Variants in LRRIQ1 observed in about 807,000 individuals in gnomAD.
LRRIQ1 encodes the protein leucine rich repeats and IQ motif containing 1, also known as leucine-rich repeat- and IQ domain-containing protein 1.
LRRIQ1 carries 210 observed loss-of-function variants against 211.9 expected under a neutral mutation model. That is an observed-to-expected ratio of 0.99 (90% CI 0.89 to 1.11). LRRIQ1 has a LOEUF of 1.11. Ranked by LOEUF, LRRIQ1 falls within the 50% of genes most tolerant of loss-of-function variation. The probability of loss-of-function intolerance (pLI) is 0.00; values close to 1 mark genes in which losing one functional copy is unlikely to be tolerated. For synonymous variants in LRRIQ1, 699 were observed against 650.1 expected (o/e 1.08, Z -1.14); for missense variants, 2,136 against 1,939.5 (o/e 1.10, Z -1.90).
At chr12:85,126,312 A>C (rs987692653) in intron 17 of LRRIQ1, among the ~76,000 whole-genome samples, 2 of 152,150 alleles carry the variant, frequency 1.3e-5, no homozygotes, top group East Asian at 3.9e-4. Context: ...ACAGTTCGTG[A>C]AACTTGCATG....
rs1881117434 is a variant in LRRIQ1 at position 85,056,643 on chromosome 12, C to T, written c.1850C>T (p.Thr617Ile). The change falls in exon 8 of 27, where the codon ACA becomes ATA. Residue 617 changes from threonine to isoleucine, a missense_variant. By Grantham distance (89) the Thr-to-Ile change is moderately conservative. Transcript: ENST00000393217. ...ISVKQRSLSL[T>I]SENSKDVREN... is the part of the protein sequence containing the mutation. ...GTGAAACAAAGATCACTCTCACTAA[C>T]ATCAGAAAATTCCAAAGATGTAAGA... 1.3e-6 allele frequency: 2 copies of T among 1,597,830 alleles called. No homozygotes were observed. The highest frequency in any genetic ancestry group is 1.7e-6 in the Non-Finnish European group (2 of 1,173,410).
intron 24 of LRRIQ1, among the ~76,000 whole-genome samples, chr12:85,223,559 CTT>C (rs1400342881): frequency 1.3e-5 from 2 of 152,052 alleles, no homozygotes; most frequent in Non-Finnish European, 1.5e-5. Flanking sequence ...CTGAAATCCT[CTT>C]ATATCTCATG....
At chr12:85,243,313 T>A (rs907688637) in intron 26 of LRRIQ1, among the ~76,000 whole-genome samples, 7 of 140,732 alleles carry the variant, frequency 5.0e-5, no homozygotes, top group African/African-American at 1.5e-4. Flanking sequence ...ATGTATAACT[T>A]TTATTATTAT....
chr12:85,113,948 A>T (rs940465684), intron 15 of LRRIQ1, among the ~76,000 whole-genome samples: 5 of 87,104 alleles, frequency 5.7e-5, no homozygotes, highest in African/African-American at 3.5e-4. Context: ...TGTGTGTGTG[A>T]AAGGCCACCT....
chr12:85,080,057 T>A (rs1884106644), intron 11 of LRRIQ1, among the ~76,000 whole-genome samples: 1 of 152,082 alleles, frequency 6.6e-6, no homozygotes, highest in Admixed American at 6.6e-5. Flanking sequence ...AGTATGTTTT[T>A]AATACACACG....
At chr12:85,132,286 GA>G (rs1388898855) in intron 18 of LRRIQ1, among the ~76,000 whole-genome samples, 1 of 151,968 alleles carries the variant, frequency 6.6e-6, no homozygotes, top group East Asian at 1.9e-4. Flanking sequence ...ATGACCTCAG[GA>G]AAAAAGATAA....
intron 24 of LRRIQ1, among the ~76,000 whole-genome samples, chr12:85,217,714 A>G (rs1039912073): frequency 1.1e-4 from 15 of 134,516 alleles, no homozygotes; most frequent in Admixed American, 7.8e-4. Flanking sequence ...ATGTGTGTGT[A>G]TATATGTATA....
intron 24 of LRRIQ1, among the ~76,000 whole-genome samples, chr12:85,217,464 A>T (rs1894142160): frequency 8.7e-6 from 1 of 114,986 alleles, no homozygotes; most frequent in Non-Finnish European, 1.7e-5. Flanking sequence ...CAGGGACCTG[A>T]AGTATATATA....
intron 19 of LRRIQ1, among the ~76,000 whole-genome samples, chr12:85,140,006 A>G (rs2136568629): frequency 7.1e-6 from 1 of 141,418 alleles, no homozygotes; most frequent in African/African-American, 2.4e-5. Context: ...AGGAAAAAAA[A>G]CTGTGTTTCT....
At chr12:85,207,810 T>C (rs943431593) in intron 24 of LRRIQ1, among the ~76,000 whole-genome samples, 3 of 152,182 alleles carry the variant, frequency 2.0e-5, no homozygotes, top group Admixed American at 1.3e-4. Context: ...TGTATTGCCT[T>C]TTCTCTTTTG....
chr12:85,087,356 G>A (rs1259685059), intron 11 of LRRIQ1, among the ~76,000 whole-genome samples: 2 of 152,110 alleles, frequency 1.3e-5, no homozygotes, highest in African/African-American at 4.8e-5. Flanking sequence ...ATAGACATTT[G>A]GGTTGGTTCC....
chr12:85,107,132 A>T (rs1355142637), intron 15 of LRRIQ1, among the ~76,000 whole-genome samples: 3 of 152,150 alleles, frequency 2.0e-5, no homozygotes, highest in Non-Finnish European at 4.4e-5. Context: ...AATTTTTAAT[A>T]CATTTTTGTA....
rs533369574 is a variant in LRRIQ1 at position 85,134,788 on chromosome 12, G to A, written c.4210-3062G>A. On this transcript the variant is annotated intron_variant, in intron 18 of 26. Transcript: ENST00000393217. ...AGTTACAAAACATTTCAAAAGTACAGAGAAGATCCAAGACCCCATATACCT... is the reference window on the plus strand; with the variant it reads ...AGTTACAAAACATTTCAAAAGTACAAAGAAGATCCAAGACCCCATATACCT... Among the ~76,000 whole-genome samples the A allele has an allele frequency of 3.3e-5, 5 of 152,140 alleles. No homozygotes were observed. In the South Asian group the frequency reaches 1.0e-3, roughly 32 times the overall value.
chr12:85,170,062 A>G (rs987620753), intron 24 of LRRIQ1, among the ~76,000 whole-genome samples: 3 of 152,092 alleles, frequency 2.0e-5, no homozygotes, highest in Admixed American at 1.3e-4. Context: ...TGAAGCATAA[A>G]ACAAACTATA....
chr12:85,185,439 GCC>G, intron 24 of LRRIQ1, among the ~76,000 whole-genome samples: 1 of 151,818 alleles, frequency 6.6e-6, no homozygotes, highest in South Asian at 2.1e-4. Flanking sequence ...CAAAAAGAGA[GCC>G]CCTTAAAATC....
At chr12:85,144,531 A>G (rs1294091960) in intron 19 of LRRIQ1, among the ~76,000 whole-genome samples, 1 of 151,682 alleles carries the variant, frequency 6.6e-6, no homozygotes, top group Non-Finnish European at 1.5e-5. Flanking sequence ...AGTTTCATAT[A>G]AACAAAACAG....
At chr12:85,267,805 G>C (rs902207171), downstream of LRRIQ1, among the ~76,000 whole-genome samples, 2 of 152,000 alleles carry the variant, frequency 1.3e-5, no homozygotes, top group Non-Finnish European at 2.9e-5. Flanking sequence ...ATGGAAGAAA[G>C]TTAAAAGAAC....
intron 24 of LRRIQ1, among the ~76,000 whole-genome samples, chr12:85,192,549 A>C (rs1206833550): frequency 1.7e-5 from 2 of 116,142 alleles, no homozygotes; most frequent in Non-Finnish European, 3.3e-5. Flanking sequence ...AAATATATAT[A>C]GTTATATAAT....
downstream of LRRIQ1, among the ~76,000 whole-genome samples, chr12:85,247,367 A>C (rs1343127981): frequency 6.6e-6 from 1 of 151,564 alleles, no homozygotes; most frequent in Non-Finnish European, 1.5e-5. Context: ...TTGCAGGCCA[A>C]ATCTAGAGAG....
Sources: allele counts gnomAD v4.1 joint callset (sites outside exome capture counted in the v4.1 genomes callset), GRCh38; gene constraint gnomAD v4.1.1; transcripts MANE v1.5; gene names NCBI Gene and HGNC (gene_info 2026-07-23, HGNC 2026-07-21).